The following ITLN2 variants were observed in gnomAD, a reference collection of about 807,000 sequenced individuals.
ITLN2 encodes intelectin-2.
ITLN2 carries 29 observed loss-of-function variants against 39.4 expected under a neutral mutation model. The observed-to-expected ratio is 0.74, with a 90% CI of 0.55 to 1.00. The LOEUF is 1.00. Ranked by LOEUF, ITLN2 falls within the 50% of genes least tolerant of loss-of-function variation. The pLI, the probability that ITLN2 is intolerant of heterozygous loss-of-function variation, is 0.00. For synonymous variants in ITLN2, 156 were observed against 153.4 expected (o/e 1.02, Z -0.12); for missense variants, 412 against 416.7 (o/e 0.99, Z 0.10).
At chr1:160,953,754 C>A (rs1671801896) in intron 2 of ITLN2, among the ~76,000 whole-genome samples, 1 of 152,030 alleles carries the variant, frequency 6.6e-6, no homozygotes, top group Non-Finnish European at 1.5e-5. Flanking sequence ...CCAGACAAAC[C>A]CTGATGACAG....
At chr1:160,947,212 G>A (rs1368928141) in intron 7 of ITLN2, among the ~76,000 whole-genome samples, 1 of 152,224 alleles carries the variant, frequency 6.6e-6, no homozygotes, top group African/African-American at 2.4e-5. Flanking sequence ...ACTGTGCCCG[G>A]ATGTGCACAT....
intron 4 of ITLN2, 157 bp from the exon 5 acceptor site, chr1:160,950,868 C>T (rs754083300): frequency 5.1e-5 from 75 of 1,459,978 alleles, no homozygotes; most frequent in Non-Finnish European, 6.5e-5. Context: ...ATCCCACCAC[C>T]ACCCAGGGCC....
Position 160,951,152 on chromosome 1 carries a change from C to G in ITLN2, c.332G>C (p.Arg111Pro). 2 of 1,614,168 alleles carry G rather than the reference C, an allele frequency of 1.2e-6. No individual in the cohort carries two copies. The highest frequency in any genetic ancestry group is 1.7e-6 in the Non-Finnish European group (2 of 1,180,044). Residue 111 changes from arginine to proline, a missense_variant, in exon 4 of 8, where the codon CGC (arginine) becomes CCC (proline). Physicochemically the swap from Arg to Pro is moderately radical, Grantham distance 103. Transcript: ENST00000368029. ...TTTGTTGCCCTGCTGACTGGACCAG[C>G]GATCACCCACCGTGCACTTCCCACG... ...DMRGKCTVGD[R>P]WSSQQGNKAD... is the part of the protein sequence containing the mutation.
At chr1:160,950,872 C>T in intron 4 of ITLN2, 161 bp from the exon 5 acceptor site, 1 of 1,470,534 alleles carries the variant, frequency 6.8e-7, no homozygotes, top group Non-Finnish European at 9.3e-7. Flanking sequence ...CACCACCACC[C>T]AGGGCCCTAA....
chr1:160,951,165 T>C lies in ITLN2; in HGVS notation c.319A>G (p.Thr107Ala). The C allele has an allele frequency of 1.9e-6, 3 of 1,614,200 alleles. No individual in the cohort carries two copies. Among genetic ancestry groups the C allele is most frequent in the Non-Finnish European group, 2.5e-6 (3 of 1,180,036 alleles). Reference sequence around the variant, plus strand: ...TGACTGGACCAGCGATCACCCACCGTGCACTTCCCACGCATGTCATTCTCG... The same window carrying C: ...TGACTGGACCAGCGATCACCCACCGCGCACTTCCCACGCATGTCATTCTCG... ...VHENDMRGKC[T>A]VGDRWSSQQG... The change falls in exon 4 of 8, where the codon ACG (threonine) becomes GCG (alanine). Residue 107 changes from threonine to alanine, a missense_variant. Transcript: ENST00000368029.
intron 7 of ITLN2, among the ~76,000 whole-genome samples, chr1:160,945,497 G>A (rs1394793184): frequency 2.0e-5 from 3 of 152,084 alleles, no homozygotes; most frequent in African/African-American, 4.8e-5. Flanking sequence ...ACACAAACAC[G>A]CACTAATGGA....
At chr1:160,949,826 C>A (rs958201128) in intron 6 of ITLN2, 3 of 505,966 alleles carry the variant, frequency 5.9e-6, no homozygotes, top group Non-Finnish European at 1.1e-5. Context: ...ATGAAGAAAC[C>A]TGGGATTACG....
At chr1:160,950,258 C>T (rs1671710458) in intron 5 of ITLN2, 92 bp from the exon 6 acceptor site, 2 of 1,357,196 alleles carry the variant, frequency 1.5e-6, no homozygotes, top group Admixed American at 1.8e-5. Flanking sequence ...CTGCCATTAC[C>T]CAAAACCAAT....
In ITLN2 at chr1:160,952,483, A is replaced by G; in HGVS notation, c.193+137T>C. On this transcript the variant is annotated intron_variant, in intron 3 of 7. Coordinates refer to ENST00000368029, the MANE Select transcript of ITLN2 (RefSeq NM_080878.3). The stretch of plus-strand genomic sequence containing the variant: ...GGGACACAAAAGCCTCAAAATTCCC[A>G]CTAGAAACCTCCTTGAGTAGGAGCT... 3.3e-6 allele frequency: 2 copies of G among 611,438 alleles called. 1 individual carries two copies. Among genetic ancestry groups the G allele is most frequent in the South Asian group, 4.2e-5 (2 of 47,674 alleles). The allele number at this position is 611,438 out of a possible 1,614,324, so 37.9% of individuals were successfully genotyped here. A position where few individuals can be genotyped will look rare whatever the true frequency, so the allele number is the denominator to read the frequency against.
chr1:160,947,988 C>T lies in ITLN2; in HGVS notation c.766G>A (p.Glu256Lys), dbSNP rs779883416. 10 of 1,614,084 alleles carry T rather than the reference C, an allele frequency of 6.2e-6. No homozygotes were observed. Among genetic ancestry groups the T allele is most frequent in the South Asian group, 3.3e-5 (3 of 91,086 alleles). Reference sequence around the variant, plus strand: ...GCACAAAGGGCGTTGGCTGCTCTCTCGTTATTAAACACCCGGAACTGAACG... The same window carrying T: ...GCACAAAGGGCGTTGGCTGCTCTCTTGTTATTAAACACCCGGAACTGAACG... ...GFVQFRVFNN[E>K]RAANALCAGI... The change falls in exon 7 of 8, where the codon GAG (glutamate) becomes AAG (lysine). Residue 256 changes from glutamate (E) to lysine (K), a missense_variant. Physicochemically the swap from Glu to Lys is moderately conservative, Grantham distance 56 (BLOSUM62 1). Coordinates refer to ENST00000368029, the MANE Select transcript of ITLN2 (RefSeq NM_080878.3).
intron 6 of ITLN2, chr1:160,949,294 G>A (rs2101938263): frequency 1.3e-5 from 2 of 152,326 alleles, no homozygotes; most frequent in South Asian, 4.2e-4. Context: ...GGGATAAGCA[G>A]AAGACAGATG....
intron 6 of ITLN2, chr1:160,948,936 C>T (rs1671669753): frequency 1.3e-5 from 2 of 152,102 alleles, no homozygotes. Context: ...AAAGTGGGCC[C>T]AGGGGACTGG....
At chr1:160,950,875 G>A (rs765689306) in intron 4 of ITLN2, 164 bp from the exon 5 acceptor site, 448 of 1,467,534 alleles carry the variant, frequency 3.1e-4, no homozygotes, top group Non-Finnish European at 3.6e-4. Context: ...CACCACCCAG[G>A]GCCCTAACAG....
At chr1:160,952,142 T>G (rs937399300) in intron 3 of ITLN2, among the ~76,000 whole-genome samples, 5 of 152,126 alleles carry the variant, frequency 3.3e-5, no homozygotes, top group African/African-American at 1.2e-4. Context: ...GCTATGTGAG[T>G]AATAAACTCT....
intron 3 of ITLN2, chr1:160,951,598 A>C: frequency 7.1e-6 from 2 of 280,998 alleles, no homozygotes; most frequent in Admixed American, 4.8e-5. Flanking sequence ...CACACGCCAC[A>C]TCTGATTCTA....
chr1:160,951,416 G>A (rs760734270), intron 3 of ITLN2, 126 bp from the exon 4 acceptor site: 337 of 1,278,146 alleles, frequency 2.6e-4, no homozygotes, highest in Non-Finnish European at 3.3e-4. Context: ...CTTGCTGGAA[G>A]ACGATGCTCC....
intron 6 of ITLN2, chr1:160,949,715 C>T (rs972574646): frequency 4.5e-6 from 1 of 220,538 alleles, no homozygotes; most frequent in Non-Finnish European, 9.2e-6. Context: ...TCAGCACAGA[C>T]CAAAATGGAG....
At chr1:160,947,290 T>C (rs1671627476) in intron 7 of ITLN2, among the ~76,000 whole-genome samples, 1 of 152,244 alleles carries the variant, frequency 6.6e-6, no homozygotes, top group Non-Finnish European at 1.5e-5. Context: ...GCAGTATTGC[T>C]GCCAGCATAT....
intron 7 of ITLN2, among the ~76,000 whole-genome samples, chr1:160,946,990 A>C (rs1006806235): frequency 2.0e-5 from 3 of 152,156 alleles, no homozygotes; most frequent in African/African-American, 7.2e-5. Flanking sequence ...ACAGAGACAA[A>C]GTATAGAGAA....
Sources: allele counts gnomAD v4.1 joint callset (sites outside exome capture counted in the v4.1 genomes callset), GRCh38; gene constraint gnomAD v4.1.1; transcripts MANE v1.5; gene names NCBI Gene and HGNC (gene_info 2026-07-23, HGNC 2026-07-21).